DIS3L2: variants seen among roughly 807,000 people sequenced by gnomAD.
DIS3L2 encodes DIS3-like exonuclease 2.
A neutral mutation model predicts 97.5 loss-of-function variants in DIS3L2; 34 were observed. The ratio of observed to expected loss-of-function variants is 0.35; its 90% CI spans 0.27 to 0.46. The LOEUF is 0.46. DIS3L2 is among the 20% of genes least tolerant of loss of function. The pLI is 1.00. For missense variants in DIS3L2, 1,038 were observed against 1,146.0 expected (o/e 0.91, Z 1.36); for synonymous variants, 435 against 445.2 (o/e 0.98, Z 0.29).
At chr2:232,323,112 A>G (rs889334133) in intron 14 of DIS3L2, among the ~76,000 whole-genome samples, 1 of 152,196 alleles carries the variant, frequency 6.6e-6, no homozygotes, top group Non-Finnish European at 1.5e-5. Flanking sequence ...AGGGGCTGGC[A>G]CTGGAGAGAG....
intron 16 of DIS3L2, among the ~76,000 whole-genome samples, chr2:232,333,502 G>A (rs1480504478): frequency 1.3e-5 from 2 of 152,302 alleles, no homozygotes; most frequent in African/African-American, 4.8e-5. Context: ...AGCATCCTGG[G>A]GGTTCCTGGC....
In DIS3L2 at chr2:232,015,517, T is replaced by G. The variant is rs372201663; in HGVS notation, c.56T>G (p.Val19Gly). Residue 19 changes from valine to glycine, a missense_variant, in exon 3 of 21, where the codon GTG becomes GGG. Coordinates refer to ENST00000325385, the MANE Select transcript of DIS3L2 (RefSeq NM_152383.5). The part of the protein sequence containing the change: ...NLRPLGTPRG[V>G]SAVAGPHDIG... Reference sequence around the variant, plus strand: ...GATTGCTGCCTCCTGTTTCTAGGTGTGTCTGCTGTGGCTGGTCCACATGAC... The same window carrying G: ...GATTGCTGCCTCCTGTTTCTAGGTGGGTCTGCTGTGGCTGGTCCACATGAC... 17 of 1,613,728 alleles carry G rather than the reference T, an allele frequency of 1.1e-5. No individual in the cohort carries two copies. Among genetic ancestry groups the G allele is most frequent in the Non-Finnish European group, 1.4e-5 (17 of 1,179,830 alleles).
Position 232,147,996 on chromosome 2 carries a change from TTTCTC to T in DIS3L2, c.950+11278_950+11282del, listed in dbSNP as rs1464456793. ...CCTCCCCTCCCCTCCGCTCCCCTCTTTTCTCCTCTCCTCTCCTCTCCTCTCCTCTC... is the reference window on the plus strand; with the variant it reads ...CCTCCCCTCCCCTCCGCTCCCCTCTTCTCTCCTCTCCTCTCCTCTCCTCTC... On this transcript the variant is annotated intron_variant, in intron 8 of 20. Transcript: ENST00000325385. Among the ~76,000 whole-genome samples, 11 of 89,990 alleles carry T rather than the reference TTTCTC, an allele frequency of 1.2e-4. No individual in the cohort carries two copies. In the East Asian group the frequency reaches 1.6e-3, roughly 13 times the overall value. The allele number at this position is 89,990 out of a possible 152,430, so 59.0% of individuals were successfully genotyped here.
chr2:231,975,926 C>T (rs894504865), intron 1 of DIS3L2, among the ~76,000 whole-genome samples: 13 of 151,696 alleles, frequency 8.6e-5, no homozygotes, highest in African/African-American at 2.4e-4. Flanking sequence ...ATTCCCAGTC[C>T]TCCTTCTTCT....
intron 14 of DIS3L2, among the ~76,000 whole-genome samples, chr2:232,320,117 G>A (rs1276692651): frequency 1.4e-5 from 2 of 144,106 alleles, no homozygotes; most frequent in Non-Finnish European, 3.0e-5. Flanking sequence ...AGAGGGCAGA[G>A]CTGGGGCCTC....
chr2:232,294,889 C>T (rs1425214829), intron 13 of DIS3L2, among the ~76,000 whole-genome samples: 1 of 152,130 alleles, frequency 6.6e-6, no homozygotes, highest in Admixed American at 6.5e-5. Flanking sequence ...TAAATATTAG[C>T]TCCATTCCAG....
intron 6 of DIS3L2, among the ~76,000 whole-genome samples, chr2:232,126,369 C>T (rs900323991): frequency 3.3e-5 from 5 of 152,184 alleles, no homozygotes; most frequent in African/African-American, 4.8e-5. Context: ...TTCTATCTCA[C>T]GTAGAAGAAG....
At chr2:232,110,122 A>G (rs1445678567) in intron 6 of DIS3L2, among the ~76,000 whole-genome samples, 5 of 152,240 alleles carry the variant, frequency 3.3e-5, no homozygotes, top group Non-Finnish European at 7.3e-5. Flanking sequence ...ATTAATCATT[A>G]GAGAAATACA....
intron 14 of DIS3L2, among the ~76,000 whole-genome samples, chr2:232,315,764 G>A (rs1695254936): frequency 1.3e-5 from 2 of 152,222 alleles, no homozygotes; most frequent in Admixed American, 1.3e-4. Flanking sequence ...GTGACTCAGA[G>A]CAAGCGCCCA....
At chr2:232,304,858 T>G (rs932144746) in intron 14 of DIS3L2, among the ~76,000 whole-genome samples, 2 of 152,234 alleles carry the variant, frequency 1.3e-5, no homozygotes, top group African/African-American at 4.8e-5. Context: ...AATTTTTATC[T>G]ATTATCTTTG....
chr2:232,047,932 A>G (rs1399699515), intron 5 of DIS3L2, among the ~76,000 whole-genome samples: 4 of 152,224 alleles, frequency 2.6e-5, no homozygotes, highest in Admixed American at 2.6e-4. Context: ...ATAACATTCC[A>G]TGTGTGGACA....
At chr2:232,088,321 C>T (rs536553428) in intron 6 of DIS3L2, among the ~76,000 whole-genome samples, 33 of 143,278 alleles carry the variant, frequency 2.3e-4, no homozygotes, top group African/African-American at 8.1e-4. Flanking sequence ...CCGAGGTGGG[C>T]GGATCACGAG....
intron 1 of DIS3L2, among the ~76,000 whole-genome samples, chr2:231,964,926 G>T (rs1367995961): frequency 6.6e-6 from 1 of 152,218 alleles, no homozygotes; most frequent in Admixed American, 6.5e-5. Flanking sequence ...ATTTGTATTT[G>T]TATTGGAGAG....
At chr2:232,311,978 C>T (rs1226228860) in intron 14 of DIS3L2, among the ~76,000 whole-genome samples, 1 of 152,148 alleles carries the variant, frequency 6.6e-6, no homozygotes, top group Admixed American at 6.5e-5. Context: ...TGTGTGAGAG[C>T]TCATCTGTTT....
intron 1 of DIS3L2, among the ~76,000 whole-genome samples, chr2:232,009,423 G>T (rs1694137337): frequency 6.6e-6 from 1 of 152,080 alleles, no homozygotes; most frequent in Non-Finnish European, 1.5e-5. Flanking sequence ...TCCATGGAGT[G>T]TGTGTGTGTG....
chr2:232,120,006 CT>C (rs370133988), intron 6 of DIS3L2, among the ~76,000 whole-genome samples: 23 of 152,152 alleles, frequency 1.5e-4, no homozygotes, highest in East Asian at 5.8e-4. Flanking sequence ...TATGTTAAGG[CT>C]TTTTTTCCCC....
rs1574988341 is a variant in DIS3L2 at position 232,276,805 on chromosome 2, A to G, written c.1659+13365A>G. ...CCTTGTCAGTGAAATGGAGAGCATA[A>G]CAGTACCTACGTTATAGGAATATTA... On this transcript the variant is annotated intron_variant, in intron 13 of 20. Coordinates refer to ENST00000325385, the MANE Select transcript of DIS3L2 (RefSeq NM_152383.5). This position sits in a 1 kb window ranked among gnomAD's most constrained non-coding sequence, Gnocchi z 4.4. Among the ~76,000 whole-genome samples, 2 of 152,354 alleles carry G rather than the reference A, an allele frequency of 1.3e-5. No homozygotes were observed. The highest frequency in any genetic ancestry group is 3.9e-4 in the East Asian group (2 of 5,186).
intron 13 of DIS3L2, among the ~76,000 whole-genome samples, chr2:232,271,497 G>A (rs1211037101): frequency 6.6e-6 from 1 of 152,158 alleles, no homozygotes; most frequent in Non-Finnish European, 1.5e-5. Flanking sequence ...AGAAGTTCAA[G>A]GCTTCCATTT....
At chr2:232,189,944 T>C (rs894274753) in intron 9 of DIS3L2, among the ~76,000 whole-genome samples, 1 of 152,184 alleles carries the variant, frequency 6.6e-6, no homozygotes, top group Non-Finnish European at 1.5e-5. Context: ...GAAAGTAATA[T>C]AATGTGAGGC....
Sources: allele counts gnomAD v4.1 joint callset (sites outside exome capture counted in the v4.1 genomes callset), GRCh38; gene constraint gnomAD v4.1.1; non-coding constraint Gnocchi (gnomAD v3.1); transcripts MANE v1.5; gene names NCBI Gene and HGNC (gene_info 2026-07-23, HGNC 2026-07-21).